The following CYP3A43 variants were observed in gnomAD, a reference collection of about 807,000 sequenced individuals.
CYP3A43 encodes cytochrome P450 3A43.
In CYP3A43, 45 loss-of-function variants were observed where a neutral mutation model predicts 58.0. That is an observed-to-expected ratio of 0.78 (90% CI 0.61 to 0.99). CYP3A43 has a LOEUF of 0.99. Ranked by LOEUF, CYP3A43 falls within the 50% of genes least tolerant of loss-of-function variation. The probability of loss-of-function intolerance (pLI) is 0.00; values close to 1 mark genes in which losing one functional copy is unlikely to be tolerated. For synonymous variants in CYP3A43, 191 were observed against 201.4 expected (o/e 0.95, Z 0.44); for missense variants, 593 against 591.9 (o/e 1.00, Z -0.02).
In CYP3A43 at chr7:99,855,669, A is replaced by G; in HGVS notation, c.749A>G (p.Lys250Arg). ...LFPKDVTHFL[K>R]NSIERMKESR... is the part of the protein sequence containing the mutation. The stretch of plus-strand genomic sequence containing the variant: ...CCAAAAGATGTTACCCATTTTTTAA[A>G]AAATTCCATTGAAAGGATGAAAGAA... The change falls in exon 8 of 13, where the codon AAA becomes AGA. Residue 250 changes from lysine to arginine, a missense_variant. Physicochemically the swap from Lys to Arg is conservative, Grantham distance 26 (BLOSUM62 2). Transcript: ENST00000354829. 6.2e-7 allele frequency: 1 copy of G among 1,613,302 alleles called. No homozygotes were observed. The highest frequency in any genetic ancestry group is 8.5e-7 in the Non-Finnish European group (1 of 1,179,772).
rs752977243 is a variant in CYP3A43 at position 99,861,631 on chromosome 7, G to T, written c.1045G>T (p.Ala349Ser). The T allele has an allele frequency of 6.2e-6, 10 of 1,613,958 alleles. No homozygotes were observed. Among genetic ancestry groups the T allele is most frequent in the Non-Finnish European group, 7.6e-6 (9 of 1,179,984 alleles). The stretch of plus-strand genomic sequence containing the variant: ...TTCCCAGGCACCTGTCACCTACGAT[G>T]CCCTGGTACAGATGGAGTACCTTGA... ...LPNKAPVTYD[A>S]LVQMEYLDMV... is the part of the protein sequence containing the mutation. The change falls in exon 11 of 13, where the codon GCC (alanine) becomes TCC (serine). Residue 349 changes from alanine to serine, a missense_variant. Coordinates refer to ENST00000354829, the MANE Select transcript of CYP3A43 (RefSeq NM_057095.3).
At chr7:99,854,150 C>A (rs1328597156) in intron 7 of CYP3A43, among the ~76,000 whole-genome samples, 1 of 152,002 alleles carries the variant, frequency 6.6e-6, no homozygotes, top group Admixed American at 6.6e-5. Flanking sequence ...ATCCTTACCT[C>A]CCCCGCCCCC....
chr7:99,839,349 G>A, intron 3 of CYP3A43, 177 bp downstream of exon 3: 1 of 776,752 alleles, frequency 1.3e-6, no homozygotes, highest in Non-Finnish European at 2.2e-6. Context: ...CATTGCAAGG[G>A]GAATATGCGT....
rs749525707 is a variant in CYP3A43 at position 99,828,203 on chromosome 7, G to T, written c.71+17G>T. ...CCTCTATATGTGAGTAACTATGCAG[G>T]CATGTTTGCTCTTAACTCTAAGACC... On this transcript the variant is annotated intron_variant, in intron 1 of 12. Coordinates refer to ENST00000354829, the MANE Select transcript of CYP3A43 (RefSeq NM_057095.3). 2.5e-6 allele frequency: 4 copies of T among 1,577,164 alleles called. No homozygotes were observed. The South Asian group carries it at 4.8e-5, about 19-fold the overall frequency.
At chr7:99,844,852 C>T (rs892798989) in intron 4 of CYP3A43, among the ~76,000 whole-genome samples, 3 of 151,962 alleles carry the variant, frequency 2.0e-5, no homozygotes, top group Admixed American at 6.6e-5. Flanking sequence ...GGGTGGATCA[C>T]GAGGTCAGGA....
At chr7:99,862,198 T>G (rs1818264478) in intron 11 of CYP3A43, among the ~76,000 whole-genome samples, 1 of 152,260 alleles carries the variant, frequency 6.6e-6, no homozygotes, top group Non-Finnish European at 1.5e-5. Flanking sequence ...AAGCTATAAT[T>G]CATTTCACCA....
At chr7:99,860,597 C>A (rs760191567) in intron 10 of CYP3A43, among the ~76,000 whole-genome samples, 8 of 152,150 alleles carry the variant, frequency 5.3e-5, no homozygotes, top group Non-Finnish European at 1.2e-4. Flanking sequence ...TATGGTGTAA[C>A]GAGATCTGGC....
intron 4 of CYP3A43, among the ~76,000 whole-genome samples, chr7:99,846,804 A>G (rs1199551739): frequency 6.6e-6 from 1 of 152,320 alleles, no homozygotes; most frequent in East Asian, 1.9e-4. Flanking sequence ...CTAAATAAGC[A>G]TTGAAATTAT....
intron 12 of CYP3A43, among the ~76,000 whole-genome samples, chr7:99,865,460 TA>T (rs934627109): frequency 4.7e-5 from 7 of 148,856 alleles, no homozygotes; most frequent in Non-Finnish European, 8.8e-5. Flanking sequence ...GAATGCTTAA[TA>T]AGTTGAAGAC....
intron 4 of CYP3A43, among the ~76,000 whole-genome samples, chr7:99,845,966 G>C (rs188687023): frequency 1.3e-5 from 2 of 151,840 alleles, no homozygotes; most frequent in South Asian, 4.2e-4. Context: ...TAGTAGATAC[G>C]GGGTTTCGCC....
At chr7:99,848,393 C>T in intron 6 of CYP3A43, 139 bp downstream of exon 6, 1 of 787,630 alleles carries the variant, frequency 1.3e-6, no homozygotes, top group South Asian at 1.8e-5. Flanking sequence ...AATAGGCCAC[C>T]CAAGATGGTG....
chr7:99,845,715 G>A (rs993011149), intron 4 of CYP3A43, among the ~76,000 whole-genome samples: 5 of 151,826 alleles, frequency 3.3e-5, no homozygotes, highest in Non-Finnish European at 5.9e-5. Flanking sequence ...GTAGCTGTAC[G>A]GTAACTATTA....
chr7:99,855,729 G>T lies in CYP3A43; in HGVS notation c.798+11G>T. The T allele has an allele frequency of 6.3e-7, 1 of 1,599,458 alleles. No individual in the cohort carries two copies. Among genetic ancestry groups the T allele is most frequent in the Non-Finnish European group, 8.5e-7 (1 of 1,172,972 alleles). On this transcript the variant is annotated intron_variant, in intron 8 of 12. Transcript: ENST00000354829. ...AAAGATAAACAAAAGGTAAAATCTG[G>T]TGGTGGTGACATGAGAATGTTCACT...
chr7:99,865,652 T>A (rs1400871532), intron 12 of CYP3A43, among the ~76,000 whole-genome samples: 1 of 148,792 alleles, frequency 6.7e-6, no homozygotes, highest in East Asian at 1.9e-4. Context: ...GAAGCCAGCA[T>A]GAACAATCTC....
chr7:99,836,724 CA>C (rs1317143507), intron 2 of CYP3A43, among the ~76,000 whole-genome samples, 178 bp downstream of exon 2: 1 of 152,126 alleles, frequency 6.6e-6, no homozygotes, highest in African/African-American at 2.4e-5. Context: ...TCTTAATGGT[CA>C]GGGGGTTTGG....
chr7:99,848,335 G>C (rs1026947253), intron 6 of CYP3A43, 81 bp downstream of exon 6: 2 of 1,431,550 alleles, frequency 1.4e-6, no homozygotes, highest in African/African-American at 2.8e-5. Context: ...CCCACTGTTG[G>C]GTTACTCCAG....
intron 1 of CYP3A43, among the ~76,000 whole-genome samples, chr7:99,829,896 C>A (rs1388305558): frequency 6.6e-6 from 1 of 152,162 alleles, no homozygotes; most frequent in Non-Finnish European, 1.5e-5. Context: ...GACTCAGCTA[C>A]CAATTCAATT....
At position 99,839,102 on chromosome 7, in the gene CYP3A43, TTTTGTTTC is replaced by T. The variant is rs1817217067; in HGVS notation, c.166-15_166-8del. ...CATTCGAAATAATACTTGAATTGTA[TTTTGTTTC>T]TTCTGCCAGGGTCTTTGGAATTTTG... On this transcript the variant is annotated splice_polypyrimidine_tract_variant and intron_variant, in intron 2 of 12. Coordinates refer to ENST00000354829, the MANE Select transcript of CYP3A43 (RefSeq NM_057095.3). 6.2e-7 allele frequency: 1 copy of T among 1,614,174 alleles called. No homozygotes were observed. Among genetic ancestry groups the T allele is most frequent in the Non-Finnish European group, 8.5e-7 (1 of 1,180,000 alleles).
At chr7:99,858,482 C>T (rs1467248375) in intron 9 of CYP3A43, among the ~76,000 whole-genome samples, 2 of 151,964 alleles carry the variant, frequency 1.3e-5, no homozygotes, top group Non-Finnish European at 2.9e-5. Flanking sequence ...GGGAGGCAAA[C>T]CTGTAGTCAT....
Sources: gnomAD v4.1 joint callset for allele counts (sites outside exome capture counted in the v4.1 genomes callset) on GRCh38, gnomAD v4.1.1 for gene constraint, MANE v1.5 for transcripts, NCBI Gene and HGNC (gene_info 2026-07-23, HGNC 2026-07-21) for gene names.